The following TTC34 variants were observed in gnomAD, a reference collection of about 807,000 sequenced individuals.
TTC34 encodes the protein tetratricopeptide repeat domain 34.
TTC34 carries 44 observed loss-of-function variants against 40.7 expected under a neutral mutation model. The observed-to-expected ratio is 1.08, with a 90% confidence interval of 0.85 to 1.39. The LOEUF (loss-of-function observed/expected upper bound fraction) is 1.39. Ranked by LOEUF, TTC34 falls within the 40% of genes most tolerant of loss-of-function variation. The pLI is 0.00. For synonymous variants in TTC34, 422 were observed against 398.6 expected, an observed-to-expected ratio of 1.06 and a Z score of -0.70; for missense variants, 884 against 838.0, an observed-to-expected ratio of 1.05 and a Z score of -0.68.
intron 6 of TTC34, among the ~76,000 whole-genome samples, chr1:2,767,480 C>T (rs1202818681): frequency 4.7e-5 from 7 of 148,834 alleles, no homozygotes; most frequent in African/African-American, 1.7e-4. Flanking sequence ...CAGAATTCTC[C>T]AACCACAGGT....
At position 2,796,062 on chromosome 1, in the gene TTC34, C is replaced by T. The variant is rs1351264565; in HGVS notation, c.784+3982G>A. On this transcript the variant is annotated intron_variant, in intron 2 of 8. Transcript: ENST00000401095. This position sits in a 1 kb window ranked among gnomAD's most constrained non-coding sequence, Gnocchi z 4.5. Reference sequence around the variant, plus strand: ...TTAATGCAAGTTCAGCCCCTTTCGCCTCTTTGCTCTTCTGTCTTGTGCCAA... The same window carrying T: ...TTAATGCAAGTTCAGCCCCTTTCGCTTCTTTGCTCTTCTGTCTTGTGCCAA... Among the ~76,000 whole-genome samples, 1 of 152,210 alleles carries T rather than the reference C, an allele frequency of 6.6e-6. No individual in the cohort carries two copies. The highest frequency in any genetic ancestry group is 1.9e-4 in the East Asian group (1 of 5,180).
chr1:2,781,831 T>G (rs547422753), intron 6 of TTC34, among the ~76,000 whole-genome samples: 1 of 152,364 alleles, frequency 6.6e-6, no homozygotes, highest in South Asian at 2.1e-4. Flanking sequence ...GACATTTGTA[T>G]GTTGAACCAT....
chr1:2,784,760 T>C (rs1252052926), intron 5 of TTC34, among the ~76,000 whole-genome samples: 1 of 152,272 alleles, frequency 6.6e-6, no homozygotes, highest in Non-Finnish European at 1.5e-5. Context: ...GATTAATAAT[T>C]GTTCATTATC....
chr1:2,762,150 A>T (rs1641698990), intron 6 of TTC34, among the ~76,000 whole-genome samples: 1 of 59,038 alleles, frequency 1.7e-5, no homozygotes. Flanking sequence ...AGCATCTGAC[A>T]GCCTGGAGCA....
chr1:2,642,745 C>T (rs1041468608), intron 8 of TTC34, among the ~76,000 whole-genome samples: 7 of 152,232 alleles, frequency 4.6e-5, no homozygotes, highest in Admixed American at 3.9e-4. Context: ...GACGCTACCT[C>T]CCCCGGGGGG....
chr1:2,693,079 T>A (rs1640699564), intron 6 of TTC34, among the ~76,000 whole-genome samples: 3 of 85,042 alleles, frequency 3.5e-5, no homozygotes, highest in East Asian at 2.7e-4. Context: ...CAGGCGAGCA[T>A]CCGACAGCCT....
chr1:2,748,510 A>G lies in TTC34; in HGVS notation c.2226+35099T>C, dbSNP rs1452867974. Among the ~76,000 whole-genome samples the G allele has an allele frequency of 1.4e-3, 197 of 136,370 alleles. 2 individuals carry two copies. The highest frequency in any genetic ancestry group is 4.2e-3 in the African/African-American group (156 of 36,910). The allele number at this position is 136,370 out of a possible 152,430, so 89.5% of individuals were successfully genotyped here. A position where few individuals can be genotyped will look rare whatever the true frequency, so the allele number is the denominator to read the frequency against. On this transcript the variant is annotated intron_variant, in intron 6 of 8. Transcript: ENST00000401095. ...GGGTGAGCATCCGATAGCCTGGAGCAGCACCCACACCCTCAGGTGAGCATC... is the reference window on the plus strand; with the variant it reads ...GGGTGAGCATCCGATAGCCTGGAGCGGCACCCACACCCTCAGGTGAGCATC...
rs1378406805 is a variant in TTC34 at position 2,750,924 on chromosome 1, C to A, written c.2226+32685G>T. On this transcript the variant is annotated intron_variant, in intron 6 of 8. Transcript: ENST00000401095. ...ATCTGAACGCACGGAGCAGCACCCACACCTTCAGGCGAGCATCGGACAGCC... is the reference window on the plus strand; with the variant it reads ...ATCTGAACGCACGGAGCAGCACCCAAACCTTCAGGCGAGCATCGGACAGCC... 7.4e-5 allele frequency among the ~76,000 whole-genome samples: 8 copies of A among 108,144 alleles called. 2 individuals are homozygous for A. Among genetic ancestry groups the A allele is most frequent in the African/African-American group, 1.3e-4 (3 of 22,918 alleles). 70.9% of individuals were successfully genotyped at this position (108,144 alleles called of 152,430 possible). A position where few individuals can be genotyped will look rare whatever the true frequency, so the allele number is the denominator to read the frequency against.
At chr1:2,651,098 G>A (rs770787210) in intron 6 of TTC34, among the ~76,000 whole-genome samples, 6 of 144,688 alleles carry the variant, frequency 4.1e-5, no homozygotes, top group South Asian at 2.2e-4. Flanking sequence ...AGCCTGGAAC[G>A]GCACCCCAAA....
intron 6 of TTC34, among the ~76,000 whole-genome samples, chr1:2,694,531 C>T (rs1270034593): frequency 1.0e-5 from 1 of 98,148 alleles, no homozygotes; most frequent in African/African-American, 4.5e-5. Context: ...CATCCGACAT[C>T]GTGGAGTAGC....
chr1:2,759,878 C>T (rs1641637144), intron 6 of TTC34, among the ~76,000 whole-genome samples: 1 of 96,086 alleles, frequency 1.0e-5, no homozygotes, highest in Non-Finnish European at 2.3e-5. Flanking sequence ...TAGTATCCTG[C>T]ACCCTCAGGT....
At chr1:2,653,840 G>A (rs561787252) in intron 6 of TTC34, among the ~76,000 whole-genome samples, 3 of 149,912 alleles carry the variant, frequency 2.0e-5, no homozygotes, top group African/African-American at 7.4e-5. Context: ...GCATGGAGCA[G>A]CACCCACAGC....
rs1414441139 is a variant in TTC34, at chr1:2,748,927, G to A, written c.2226+34682C>T. On this transcript the variant is annotated intron_variant, in intron 6 of 8. Transcript: ENST00000401095. ...CCTGGAACAGAACCCACACCGCCAGGGGAGTATCTGACAGACTGGAACAGC... is the reference window on the plus strand; with the variant it reads ...CCTGGAACAGAACCCACACCGCCAGAGGAGTATCTGACAGACTGGAACAGC... Among the ~76,000 whole-genome samples, 10 of 110,898 alleles carry A rather than the reference G, an allele frequency of 9.0e-5. 3 individuals carry two copies. The highest frequency in any genetic ancestry group is 1.2e-4 in the Non-Finnish European group (7 of 57,836). The allele number at this position is 110,898 out of a possible 152,430, so 72.8% of individuals were successfully genotyped here. A position where few individuals can be genotyped will look rare whatever the true frequency, so the allele number is the denominator to read the frequency against.
intron 6 of TTC34, among the ~76,000 whole-genome samples, chr1:2,752,748 C>G (rs1464912162): frequency 1.0e-3 from 122 of 118,892 alleles, no homozygotes; most frequent in Admixed American, 1.4e-3. Flanking sequence ...AGGACAGCAT[C>G]TGACAGCGTG....
chr1:2,790,116 G>T (rs1643646325), exon 3 of TTC34: 1 of 398,118 alleles, frequency 2.5e-6, no homozygotes, highest in African/African-American at 2.1e-5. Context: ...AGCTCAGGGT[G>T]GTTCCGCACG....
chr1:2,773,161 T>A (rs1288294017), intron 6 of TTC34, among the ~76,000 whole-genome samples: 53 of 139,232 alleles, frequency 3.8e-4, no homozygotes, highest in African/African-American at 1.4e-3. Context: ...TCTGACAGCC[T>A]GGAGCAGCGC....
At chr1:2,798,681 C>T (rs1304764802) in intron 2 of TTC34, among the ~76,000 whole-genome samples, 1 of 129,558 alleles carries the variant, frequency 7.7e-6, no homozygotes, top group Non-Finnish European at 1.7e-5. Context: ...CTCTCAGCCC[C>T]TCAGCTCCCC....
At chr1:2,751,540 A>T (rs1375331930) in intron 6 of TTC34, among the ~76,000 whole-genome samples, 1 of 109,294 alleles carries the variant, frequency 9.1e-6, no homozygotes, top group Non-Finnish European at 1.8e-5. Context: ...CCAGGTGAGC[A>T]TCTGACAGCC....
At chr1:2,799,478 G>A (rs1643749855) in intron 2 of TTC34, among the ~76,000 whole-genome samples, 2 of 152,130 alleles carry the variant, frequency 1.3e-5, no homozygotes, top group African/African-American at 4.8e-5. Flanking sequence ...AGTGGGTGGA[G>A]GTTGCGGTGA....
Sources: gnomAD v4.1 joint callset for allele counts (sites outside exome capture counted in the v4.1 genomes callset) on GRCh38, gnomAD v4.1.1 for gene constraint, Gnocchi (gnomAD v3.1) non-coding constraint, MANE v1.5 for transcripts, NCBI Gene and HGNC (gene_info 2026-07-23, HGNC 2026-07-21) for gene names.